The following PPFIBP1 variants were observed in gnomAD, a reference collection of about 807,000 sequenced individuals.
PPFIBP1 encodes the protein liprin-beta-1.
PPFIBP1 carries 112 observed loss-of-function variants against 137.8 expected under a neutral mutation model. The observed-to-expected ratio is 0.81, with a 90% CI of 0.70 to 0.95. PPFIBP1 has a LOEUF of 0.95. Among genes scored for constraint, PPFIBP1 ranks in the 40% least tolerant of loss-of-function variants. The pLI, the probability that PPFIBP1 is intolerant of heterozygous loss-of-function variation, is 0.00. For missense variants in PPFIBP1, 1,083 were observed against 1,196.6 expected (o/e 0.91, Z 1.40); for synonymous variants, 378 against 417.3 (o/e 0.91, Z 1.15).
intron 1 of PPFIBP1, among the ~76,000 whole-genome samples, chr12:27,550,695 T>G (rs1441566660): frequency 6.6e-6 from 1 of 152,176 alleles, no homozygotes; most frequent in African/African-American, 2.4e-5. Context: ...TTGGAGATGT[T>G]AAATTAACCT....
Position 27,691,871 on chromosome 12 carries a change from TA to T in PPFIBP1, c.2811del (p.Lys937AsnfsTer17), listed in dbSNP as rs1468578973. 6.2e-7 allele frequency: 1 copy of T among 1,613,990 alleles called. No homozygotes were observed. The highest frequency in any genetic ancestry group is 1.3e-5 in the African/African-American group (1 of 74,940). On this transcript the variant is annotated frameshift_variant, in exon 28 of 30. Coordinates refer to ENST00000228425, the MANE Select transcript of PPFIBP1 (RefSeq NM_003622.4). LOFTEE classifies it high-confidence loss of function. ...CAGGAAGTGCATCTAAGAAAGGATT[TA>T]AACCTGGTTTGGATATGCGCCTGTA... is the stretch of plus-strand genomic sequence containing the variant. ...ASGSASKKGF[K>X]PGLDMRLYEE...
intron 21 of PPFIBP1, 135 bp downstream of exon 21, chr12:27,680,196 C>A (rs910163506): frequency 6.4e-6 from 8 of 1,243,130 alleles, no homozygotes; most frequent in Non-Finnish European, 7.7e-6. Flanking sequence ...GGGCCATCAT[C>A]TTTAGAGCCG....
chr12:27,629,104 A>C (rs1375503886), intron 2 of PPFIBP1, among the ~76,000 whole-genome samples: 1 of 152,342 alleles, frequency 6.6e-6, no homozygotes, highest in Middle Eastern at 3.4e-3. Context: ...ATGGAATTAC[A>C]GAGGGCACCA....
intron 2 of PPFIBP1, among the ~76,000 whole-genome samples, chr12:27,631,386 C>T (rs1039876538): frequency 6.6e-6 from 1 of 152,164 alleles, no homozygotes; most frequent in African/African-American, 2.4e-5. Flanking sequence ...ATTTGCAAAG[C>T]CTTCCAAATT....
Position 27,658,857 on chromosome 12 carries a change from T to C in PPFIBP1, c.844+9T>C, listed in dbSNP as rs376337581. On this transcript the variant is annotated intron_variant, in intron 10 of 29. Transcript: ENST00000228425. Reference sequence around the variant, plus strand: ...GAAGCTCAAAGAAAAAAGTAAGGTTTGGTGCATTTCCATCAGCCTTTACAT... The same window carrying C: ...GAAGCTCAAAGAAAAAAGTAAGGTTCGGTGCATTTCCATCAGCCTTTACAT... The C allele has an allele frequency of 6.2e-6, 10 of 1,611,896 alleles. No individual in the cohort carries two copies. The African/African-American group carries it at 1.2e-4, about 19-fold the overall frequency.
intron 1 of PPFIBP1, among the ~76,000 whole-genome samples, chr12:27,555,060 C>A (rs1277567051): frequency 6.6e-6 from 1 of 152,036 alleles, no homozygotes; most frequent in Non-Finnish European, 1.5e-5. Context: ...CATTCTTGTT[C>A]GTTCATGGAA....
At chr12:27,686,601 C>A (rs2061215614) in intron 24 of PPFIBP1, among the ~76,000 whole-genome samples, 1 of 152,096 alleles carries the variant, frequency 6.6e-6, no homozygotes, top group Non-Finnish European at 1.5e-5. Context: ...GCTAGATAAA[C>A]CATAATAATC....
chr12:27,644,915 G>GTT (rs11442125), intron 4 of PPFIBP1, among the ~76,000 whole-genome samples: 3,223 of 149,422 alleles, frequency 0.022, 42 homozygotes, highest in Non-Finnish European at 0.027. Flanking sequence ...TTCAAGCCCT[G>GTT]TTTTTTTTCT....
At chr12:27,588,874 G>A (rs185281443) in intron 2 of PPFIBP1, among the ~76,000 whole-genome samples, 145 of 152,242 alleles carry the variant, frequency 9.5e-4, no homozygotes, top group African/African-American at 3.0e-3. Flanking sequence ...GGAATAAAGC[G>A]GAAATTGTTT....
At chr12:27,561,094 T>C (rs1381050252) in intron 1 of PPFIBP1, among the ~76,000 whole-genome samples, 1 of 152,146 alleles carries the variant, frequency 6.6e-6, no homozygotes, top group East Asian at 1.9e-4. Flanking sequence ...CATGTATACC[T>C]AACATAGTGG....
chr12:27,533,745 T>C (rs67411250), intron 1 of PPFIBP1, among the ~76,000 whole-genome samples: 25,677 of 152,114 alleles, frequency 0.17, 2,413 homozygotes, highest in Middle Eastern at 0.26. Context: ...AACAAGAGTA[T>C]GTAGAGTAAA....
At chr12:27,588,988 T>C (rs1201460667) in intron 2 of PPFIBP1, among the ~76,000 whole-genome samples, 1 of 152,220 alleles carries the variant, frequency 6.6e-6, no homozygotes, top group African/African-American at 2.4e-5. Flanking sequence ...GAATGTTATC[T>C]GATGAAGGTC....
Position 27,689,097 on chromosome 12 carries a change from T to G in PPFIBP1, c.2579T>G (p.Leu860Trp). The change falls in exon 27 of 30, where the codon TTG (leucine) becomes TGG (tryptophan). Residue 860 changes from leucine (L) to tryptophan (W), a missense_variant. Transcript: ENST00000228425. ...AATAAGACTTTGCTGCGAAGACATTTGGCCACTCATTTCAACCTTCTGATT... is the reference window on the plus strand; with the variant it reads ...AATAAGACTTTGCTGCGAAGACATTGGGCCACTCATTTCAACCTTCTGATT... Reference protein sequence around the residue: ...PPNKTLLRRHLATHFNLLIGA... With the variant: ...PPNKTLLRRHWATHFNLLIGA... 1 of 1,612,702 alleles carries G rather than the reference T, an allele frequency of 6.2e-7. No homozygotes were observed. The highest frequency in any genetic ancestry group is 2.2e-5 in the East Asian group (1 of 44,864).
In PPFIBP1 at chr12:27,680,017, G is replaced by A. The variant is rs777124159; in HGVS notation, c.1851G>A (p.Ala617=). ...AAAGAGGAGGGACAAGGGCAACCGCGGGGCCCCGATTAGGTTGGTCTCGAG... is the reference window on the plus strand; with the variant it reads ...AAAGAGGAGGGACAAGGGCAACCGCAGGGCCCCGATTAGGTTGGTCTCGAG... ...EFKRGGTRAT[A]GPRLGWSRDL... The change falls in exon 21 of 30, where the codon GCG becomes GCA. Residue 617 remains alanine (A), a synonymous_variant. Coordinates refer to ENST00000228425, the MANE Select transcript of PPFIBP1 (RefSeq NM_003622.4). The A allele has an allele frequency of 5.7e-5, 92 of 1,613,948 alleles. No individual in the cohort carries two copies. The highest frequency in any genetic ancestry group is 7.0e-5 in the Non-Finnish European group (83 of 1,179,980).
chr12:27,592,066 A>G (rs978492715), intron 2 of PPFIBP1, among the ~76,000 whole-genome samples: 1 of 152,262 alleles, frequency 6.6e-6, no homozygotes, highest in Admixed American at 6.5e-5. Context: ...AGGAAGCATA[A>G]TACTACTTAA....
Position 27,673,823 on chromosome 12 carries a change from A to T in PPFIBP1, c.1376A>T (p.Asp459Val). The change falls in exon 16 of 30, where the codon GAT becomes GTT. Residue 459 changes from aspartate to valine, a missense_variant. By Grantham distance (152) the Asp-to-Val change is radical. Transcript: ENST00000228425. ...GGCAATCTGAAGAAAGAGACATCTG[A>T]TGGGGTGGGTTCTGTGTTTTTTGTT... Reference protein sequence around the residue: ...SLGNLKKETSDGEKETIQKTS... With the variant: ...SLGNLKKETSVGEKETIQKTS... 1 of 1,613,096 alleles carries T rather than the reference A, an allele frequency of 6.2e-7. No individual in the cohort carries two copies. The highest frequency in any genetic ancestry group is 8.5e-7 in the Non-Finnish European group (1 of 1,179,428).
Position 27,691,900 on chromosome 12 carries a change from AGGAAGATGATTT to A in PPFIBP1, c.2841_2852del (p.Glu947_Leu950del). 1 of 1,612,950 alleles carries A rather than the reference AGGAAGATGATTT, an allele frequency of 6.2e-7. No homozygotes were observed. The highest frequency in any genetic ancestry group is 8.5e-7 in the Non-Finnish European group (1 of 1,179,682). ...CCTGGTTTGGATATGCGCCTGTATG[AGGAAGATGATTT>A]GGACCGGTTAGAGCAGGTAAATCCA... On this transcript the variant is annotated inframe_deletion, in exon 28 of 30. Coordinates refer to ENST00000228425, the MANE Select transcript of PPFIBP1 (RefSeq NM_003622.4).
chr12:27,585,679 G>A (rs2051656753), intron 2 of PPFIBP1, among the ~76,000 whole-genome samples: 1 of 152,214 alleles, frequency 6.6e-6, no homozygotes, highest in Non-Finnish European at 1.5e-5. Flanking sequence ...ACGGGTAAAA[G>A]TGAAGTGCTG....
Position 27,579,831 on chromosome 12 carries a change from G to A in PPFIBP1, c.-36+1592G>A, listed in dbSNP as rs77891480. 4.6e-5 allele frequency among the ~76,000 whole-genome samples: 7 copies of A among 152,278 alleles called. No individual in the cohort carries two copies. The East Asian group carries it at 1.3e-3, about 29-fold the overall frequency. ...AGTGATTTGTCTGCTTCAATGTGAT[G>A]TTCCAAGCTGCTTACTCAACAGGAA... On this transcript the variant is annotated intron_variant, in intron 2 of 29. Coordinates refer to ENST00000228425, the MANE Select transcript of PPFIBP1 (RefSeq NM_003622.4).
Sources: gnomAD v4.1 joint callset for allele counts (sites outside exome capture counted in the v4.1 genomes callset) on GRCh38, gnomAD v4.1.1 for gene constraint, MANE v1.5 for transcripts, NCBI Gene and HGNC (gene_info 2026-07-23, HGNC 2026-07-21) for gene names.